Variants in RFX3 observed in about 807,000 individuals in gnomAD.
The protein encoded by RFX3 is regulatory factor X3, also known as transcription factor RFX3.
Under a neutral mutation model 98.6 loss-of-function variants are expected in RFX3, and 14 were observed. The ratio of observed to expected loss-of-function variants is 0.14; its 90% CI spans 0.09 to 0.22. RFX3 has a LOEUF of 0.22. RFX3 is among the 10% of genes least tolerant of loss of function. RFX3 has a pLI of 1.00. For missense variants in RFX3, 639 were observed against 926.9 expected, an observed-to-expected ratio of 0.69 and a Z score of 4.03; for synonymous variants, 383 against 328.4, an observed-to-expected ratio of 1.17 and a Z score of -1.80.
In RFX3 at chr9:3,324,317, G is replaced by C. The variant is rs114437453; in HGVS notation, c.474+5942C>G. ...ACTTCTAACTTAAAATTTCTTCTAAGCATATCTTCATATATGATAATTAAA... is the reference window on the plus strand; with the variant it reads ...ACTTCTAACTTAAAATTTCTTCTAACCATATCTTCATATATGATAATTAAA... On this transcript the variant is annotated intron_variant, in intron 4 of 16. Coordinates refer to ENST00000617270, the MANE Select transcript of RFX3 (RefSeq NM_001282116.2). Among the ~76,000 whole-genome samples, 1,123 of 152,028 alleles carry C rather than the reference G, an allele frequency of 7.4e-3. 8 individuals are homozygous for C. Among genetic ancestry groups the C allele is most frequent in the African/African-American group, 0.026 (1,063 of 41,466 alleles).
At chr9:3,278,914 T>C (rs908097584) in intron 7 of RFX3, among the ~76,000 whole-genome samples, 1 of 151,874 alleles carries the variant, frequency 6.6e-6, no homozygotes, top group Middle Eastern at 3.2e-3. Context: ...AAAAAATTGA[T>C]TGCTGTTTTC....
chr9:3,509,323 T>C (rs1817439049), intron 1 of RFX3, among the ~76,000 whole-genome samples: 1 of 151,940 alleles, frequency 6.6e-6, no homozygotes, highest in Non-Finnish European at 1.5e-5. Flanking sequence ...AGAACAAAGA[T>C]TTCCATTTTT....
intron 1 of RFX3, among the ~76,000 whole-genome samples, chr9:3,411,787 G>C (rs1587567653): frequency 6.6e-6 from 1 of 151,794 alleles, no homozygotes; most frequent in African/African-American, 2.4e-5. Flanking sequence ...CACTGCGCAG[G>C]CCTCTTGTTC....
chr9:3,268,643 C>G (rs1823975349), intron 11 of RFX3, among the ~76,000 whole-genome samples: 1 of 151,784 alleles, frequency 6.6e-6, no homozygotes, highest in Admixed American at 6.6e-5. Flanking sequence ...TAGAGACAAG[C>G]TATTTGACAG....
chr9:3,288,325 A>G (rs981229110), intron 6 of RFX3, 75 bp from the exon 7 acceptor site: 3 of 1,398,492 alleles, frequency 2.1e-6, no homozygotes, highest in Non-Finnish European at 3.0e-6. Context: ...TGTCCATTAA[A>G]CTTCACACTT....
chr9:3,270,713 C>G, intron 10 of RFX3, 188 bp from the exon 11 acceptor site: 1 of 671,324 alleles, frequency 1.5e-6, no homozygotes, highest in South Asian at 2.0e-5. Context: ...TCCCCCAGAG[C>G]TGTCTATGCA....
At chr9:3,422,740 C>T (rs1255233987) in intron 1 of RFX3, among the ~76,000 whole-genome samples, 1 of 152,058 alleles carries the variant, frequency 6.6e-6, no homozygotes, top group African/African-American at 2.4e-5. Flanking sequence ...AAAATGTGCA[C>T]TGACTGAACA....
chr9:3,291,637 T>C (rs1827366550), intron 6 of RFX3, among the ~76,000 whole-genome samples: 3 of 152,110 alleles, frequency 2.0e-5, no homozygotes, highest in Admixed American at 2.0e-4. Context: ...TAAACAAATT[T>C]GTATCCTTTT....
chr9:3,320,614 ATG>A (rs1587045009), intron 4 of RFX3, among the ~76,000 whole-genome samples: 1 of 145,978 alleles, frequency 6.9e-6, no homozygotes, highest in East Asian at 2.0e-4. Flanking sequence ...ACATAGTAAT[ATG>A]TGTTTCTATT....
chr9:3,277,545 T>C, intron 7 of RFX3, 84 bp from the exon 8 acceptor site: 1 of 1,201,478 alleles, frequency 8.3e-7, no homozygotes, highest in Non-Finnish European at 1.2e-6. Flanking sequence ...AAGCATTCAG[T>C]TTTATTCTAT....
At chr9:3,248,687 A>C (rs1820998820) in intron 14 of RFX3, among the ~76,000 whole-genome samples, 1 of 152,202 alleles carries the variant, frequency 6.6e-6, no homozygotes, top group Admixed American at 6.5e-5. Context: ...GTGGCAATAC[A>C]GAGTATAGGC....
At chr9:3,292,512 T>A (rs115599227) in intron 6 of RFX3, among the ~76,000 whole-genome samples, 3,230 of 152,288 alleles carry the variant, frequency 0.021, 120 homozygotes, top group African/African-American at 0.073. Flanking sequence ...AATAGAGCTA[T>A]CTCATCACTG....
At chr9:3,256,144 G>A (rs935055146) in intron 14 of RFX3, among the ~76,000 whole-genome samples, 4 of 152,046 alleles carry the variant, frequency 2.6e-5, no homozygotes, top group African/African-American at 9.7e-5. Flanking sequence ...TTTTGTTTTT[G>A]TATTTTTAGT....
At chr9:3,409,829 G>A (rs931368080) in intron 1 of RFX3, among the ~76,000 whole-genome samples, 5 of 151,986 alleles carry the variant, frequency 3.3e-5, no homozygotes, top group Admixed American at 6.6e-5. Flanking sequence ...AGATCATCCA[G>A]TGCAGGCTCC....
chr9:3,492,430 C>T (rs1850793939), intron 1 of RFX3, among the ~76,000 whole-genome samples: 1 of 152,246 alleles, frequency 6.6e-6, no homozygotes, highest in Non-Finnish European at 1.5e-5. Context: ...GGCCAGGTAC[C>T]TCCTTGGGAG....
chr9:3,265,141 T>A (rs1431027623), intron 12 of RFX3, among the ~76,000 whole-genome samples: 1 of 152,302 alleles, frequency 6.6e-6, no homozygotes. Context: ...CTGCCTAACA[T>A]GGTAGCCAGC....
In RFX3 at chr9:3,224,961, C is replaced by A; in HGVS notation, c.*81G>T. On this transcript the variant is annotated 3_prime_UTR_variant, in exon 17 of 17. Transcript: ENST00000617270. ...ACAGATAGAATTTGACAACAGTCGA[C>A]CTTCAGGCTTATTAAATTTTCAACT... The A allele has an allele frequency of 7.3e-7, 1 of 1,368,664 alleles. No individual in the cohort carries two copies. The highest frequency in any genetic ancestry group is 1.0e-6 in the Non-Finnish European group (1 of 976,222). 84.8% of individuals were successfully genotyped at this position (1,368,664 alleles called of 1,614,324 possible).
At chr9:3,426,133 T>C (rs550731967) in intron 1 of RFX3, among the ~76,000 whole-genome samples, 11 of 152,300 alleles carry the variant, frequency 7.2e-5, no homozygotes, top group East Asian at 3.9e-4. Context: ...CGTTTCTGTT[T>C]TTACTTTTAA....
chr9:3,366,624 T>A (rs1207443478), intron 2 of RFX3, among the ~76,000 whole-genome samples: 1 of 150,630 alleles, frequency 6.6e-6, no homozygotes, highest in Non-Finnish European at 1.5e-5. Context: ...TTTGGCAAAT[T>A]TTCTTTTCTT....
Sources: gnomAD v4.1 joint callset for allele counts (sites outside exome capture counted in the v4.1 genomes callset) on GRCh38, gnomAD v4.1.1 for gene constraint, MANE v1.5 for transcripts, NCBI Gene and HGNC (gene_info 2026-07-23, HGNC 2026-07-21) for gene names.